The following HS3ST4 variants were observed in gnomAD, a reference collection of about 807,000 sequenced individuals.
HS3ST4 encodes the protein heparan sulfate glucosamine 3-O-sulfotransferase 4.
HS3ST4 carries 17 observed loss-of-function variants against 29.2 expected under a neutral mutation model. That is an observed-to-expected ratio of 0.58 (90% confidence interval 0.40 to 0.87). The LOEUF is 0.87. HS3ST4 is among the 40% of genes least tolerant of loss of function. The probability of loss-of-function intolerance (pLI) is 0.00; values close to 1 mark genes in which losing one functional copy is unlikely to be tolerated. For missense variants in HS3ST4, 627 were observed against 634.5 expected, an observed-to-expected ratio of 0.99 and a Z score of 0.13; for synonymous variants, 314 against 285.7, an observed-to-expected ratio of 1.10 and a Z score of -1.00.
chr16:26,118,161 C>T (rs1039303302), intron 1 of HS3ST4, among the ~76,000 whole-genome samples: 2 of 152,116 alleles, frequency 1.3e-5, no homozygotes, highest in African/African-American at 2.4e-5. Flanking sequence ...CAACTTCTGG[C>T]CTCAAGCAAT....
intron 1 of HS3ST4, among the ~76,000 whole-genome samples, chr16:25,967,540 G>A (rs538573127): frequency 3.5e-4 from 53 of 152,252 alleles, no homozygotes; most frequent in African/African-American, 1.3e-3. Context: ...TAGGATCTGC[G>A]AAAAGAATTT....
intron 1 of HS3ST4, among the ~76,000 whole-genome samples, chr16:25,982,473 A>G (rs1442472704): frequency 6.6e-6 from 1 of 152,104 alleles, no homozygotes; most frequent in Non-Finnish European, 1.5e-5. Context: ...TTGGGGCCAA[A>G]TGCCTCCCCA....
chr16:25,697,080 G>T (rs939138651), intron 1 of HS3ST4, among the ~76,000 whole-genome samples: 6 of 152,264 alleles, frequency 3.9e-5, no homozygotes, highest in Middle Eastern at 3.4e-3. Flanking sequence ...TAAAGTACTA[G>T]GAAGCATATA....
intron 1 of HS3ST4, among the ~76,000 whole-genome samples, chr16:25,853,137 A>G (rs1459917898): frequency 6.6e-6 from 1 of 152,190 alleles, no homozygotes; most frequent in Non-Finnish European, 1.5e-5. Context: ...ATTTTACCTT[A>G]TAAAATGCTT....
chr16:25,875,310 G>A (rs1967818727), intron 1 of HS3ST4, among the ~76,000 whole-genome samples: 1 of 152,110 alleles, frequency 6.6e-6, no homozygotes, highest in African/African-American at 2.4e-5. Context: ...ATTTGAGGAG[G>A]GAAGGAGCAG....
chr16:25,714,437 T>G (rs1966438548), intron 1 of HS3ST4, among the ~76,000 whole-genome samples: 1 of 152,188 alleles, frequency 6.6e-6, no homozygotes, highest in South Asian at 2.1e-4. Flanking sequence ...TAACACACCA[T>G]GCTGACTCAC....
intron 1 of HS3ST4, among the ~76,000 whole-genome samples, chr16:25,924,941 A>T (rs1253759976): frequency 1.3e-5 from 2 of 152,092 alleles, no homozygotes; most frequent in African/African-American, 4.8e-5. Flanking sequence ...TTTGATTGCA[A>T]GTGTATTCAT....
intron 1 of HS3ST4, among the ~76,000 whole-genome samples, chr16:25,833,962 T>C (rs1435090437): frequency 2.6e-5 from 4 of 152,084 alleles, no homozygotes; most frequent in African/African-American, 4.8e-5. Flanking sequence ...GTGTGCTGTG[T>C]GCTAGGTCTG....
At chr16:25,858,555 C>T (rs115320181) in intron 1 of HS3ST4, among the ~76,000 whole-genome samples, 3,162 of 152,006 alleles carry the variant, frequency 0.021, 98 homozygotes, top group African/African-American at 0.072. Flanking sequence ...TGATAAACTC[C>T]GAAGAGTGGG....
intron 1 of HS3ST4, among the ~76,000 whole-genome samples, chr16:25,871,734 T>C (rs1967754378): frequency 6.6e-6 from 1 of 152,164 alleles, no homozygotes; most frequent in African/African-American, 2.4e-5. Context: ...ACACATTATG[T>C]TAACAGCTCA....
Position 25,862,060 on chromosome 16 carries a change from C to T in HS3ST4, c.734+168909C>T, listed in dbSNP as rs921757345. Among the ~76,000 whole-genome samples, 4 of 152,222 alleles carry T rather than the reference C, an allele frequency of 2.6e-5. No individual in the cohort carries two copies. The East Asian group carries it at 7.7e-4, about 29-fold the overall frequency. On this transcript the variant is annotated intron_variant, in intron 1 of 1. Transcript: ENST00000331351. ...AGGTGGTTCCAGAATAAAACTGTTC[C>T]GTTCCACCTCAAATCATCAGGCTTT...
rs761025176 is a variant in HS3ST4, at chr16:26,135,819, G to A, written c.942G>A (p.Leu314=). The part of the protein sequence containing the change: ...KKPEIPTFEV[L]AFKNRTLGLI... ...CCGAGATCCCCACCTTTGAGGTGCT[G>A]GCCTTCAAAAACCGGACCCTCGGGC... Residue 314 remains leucine (L), a synonymous_variant, in exon 2 of 2, where the codon CTG becomes CTA. Coordinates refer to ENST00000331351, the MANE Select transcript of HS3ST4 (RefSeq NM_006040.3). 3.7e-6 allele frequency: 6 copies of A among 1,614,034 alleles called. No individual in the cohort carries two copies. Among genetic ancestry groups the A allele is most frequent in the Non-Finnish European group, 5.1e-6 (6 of 1,179,910 alleles).
At chr16:25,802,616 T>C (rs10221124) in intron 1 of HS3ST4, among the ~76,000 whole-genome samples, 115,488 of 152,028 alleles carry the variant, frequency 0.76, 44,939 homozygotes, top group African/African-American at 0.94. Context: ...TGTCAAGTTC[T>C]GAATGAAATC....
At chr16:25,958,957 A>G (rs1968765639) in intron 1 of HS3ST4, among the ~76,000 whole-genome samples, 1 of 152,226 alleles carries the variant, frequency 6.6e-6, no homozygotes, top group Non-Finnish European at 1.5e-5. Context: ...TATCGTAACC[A>G]TAATAAGTTC....
chr16:25,705,284 C>T (rs928200561), intron 1 of HS3ST4, among the ~76,000 whole-genome samples: 9 of 152,238 alleles, frequency 5.9e-5, no homozygotes, highest in African/African-American at 2.2e-4. Flanking sequence ...ATTTGGGAGC[C>T]CCTGGAGATG....
At position 25,692,930 on chromosome 16, in the gene HS3ST4, C is replaced by T. The variant is rs1487614116; in HGVS notation, c.513C>T (p.Leu171=). 13 of 1,606,144 alleles carry T rather than the reference C, an allele frequency of 8.1e-6. No homozygotes were observed. The highest frequency in any genetic ancestry group is 1.0e-5 in the Non-Finnish European group (12 of 1,177,076). Residue 171 remains leucine, a synonymous_variant, in exon 1 of 2, where the codon CTC becomes CTT. Coordinates refer to ENST00000331351, the MANE Select transcript of HS3ST4 (RefSeq NM_006040.3). ...AQESSTTDED[L]AGRRAANGSS... is the part of the protein sequence containing the mutation. Reference sequence around the variant, plus strand: ...AGTCCAGCACCACCGACGAGGATCTCGCAGGCCGGAGAGCGGCCAACGGGA... The same window carrying T: ...AGTCCAGCACCACCGACGAGGATCTTGCAGGCCGGAGAGCGGCCAACGGGA...
At chr16:25,769,383 C>G (rs1966839214) in intron 1 of HS3ST4, among the ~76,000 whole-genome samples, 1 of 152,152 alleles carries the variant, frequency 6.6e-6, no homozygotes, top group African/African-American at 2.4e-5. Context: ...CACTGACTCT[C>G]AGGTTTGGTA....
intron 1 of HS3ST4, among the ~76,000 whole-genome samples, chr16:25,942,607 CT>C (rs570460052): frequency 3.3e-3 from 467 of 142,428 alleles, no homozygotes; most frequent in Middle Eastern, 0.014. Flanking sequence ...TCATCACTTC[CT>C]TTTTTTTTTT....
chr16:26,133,378 G>C (rs1899444849), intron 1 of HS3ST4, among the ~76,000 whole-genome samples: 1 of 152,156 alleles, frequency 6.6e-6, no homozygotes, highest in Non-Finnish European at 1.5e-5. Context: ...TGGGTAATCA[G>C]AACTCTTAAT....
Sources: allele counts gnomAD v4.1 joint callset (sites outside exome capture counted in the v4.1 genomes callset), GRCh38; gene constraint gnomAD v4.1.1; transcripts MANE v1.5; gene names NCBI Gene and HGNC (gene_info 2026-07-23, HGNC 2026-07-21).